The following SHISA6 variants were observed in gnomAD, a reference collection of about 807,000 sequenced individuals.
The protein encoded by SHISA6 is protein shisa-6.
Under a neutral mutation model 47.9 loss-of-function variants are expected in SHISA6, and 22 were observed. That is an observed-to-expected ratio of 0.46 (90% confidence interval 0.33 to 0.66). The LOEUF (loss-of-function observed/expected upper bound fraction) is 0.66, where lower values mean the gene tolerates loss of function less well. Among genes scored for constraint, SHISA6 ranks in the 30% least tolerant of loss-of-function variants. The probability of loss-of-function intolerance (pLI) is 0.02; values close to 1 mark genes in which losing one functional copy is unlikely to be tolerated. For missense variants in SHISA6, 680 were observed against 764.6 expected, an observed-to-expected ratio of 0.89 and a Z score of 1.30; for synonymous variants, 388 against 337.8, an observed-to-expected ratio of 1.15 and a Z score of -1.63.
intron 2 of SHISA6, among the ~76,000 whole-genome samples, chr17:11,269,926 T>C (rs1004589388): frequency 5.3e-5 from 8 of 152,238 alleles, no homozygotes; most frequent in African/African-American, 1.9e-4. Context: ...CACATGCGAC[T>C]GTTGAGCACT....
intron 2 of SHISA6, among the ~76,000 whole-genome samples, chr17:11,327,626 G>A (rs1239613652): frequency 2.0e-5 from 3 of 152,122 alleles, no homozygotes; most frequent in South Asian, 2.1e-4. Context: ...GCAAAACCCC[G>A]TCTCCACTAA....
chr17:11,463,490 C>A (rs1915740488), intron 3 of SHISA6, among the ~76,000 whole-genome samples: 1 of 152,322 alleles, frequency 6.6e-6, no homozygotes, highest in African/African-American at 2.4e-5. Flanking sequence ...ATTACAGCCT[C>A]TTCTCCAATC....
chr17:11,295,057 T>C (rs1909699669), intron 2 of SHISA6, among the ~76,000 whole-genome samples: 1 of 152,194 alleles, frequency 6.6e-6, no homozygotes, highest in Non-Finnish European at 1.5e-5. Flanking sequence ...CGGTACAGTG[T>C]GAAAATACTG....
intron 3 of SHISA6, among the ~76,000 whole-genome samples, chr17:11,506,430 C>T (rs2071499403): frequency 6.6e-6 from 1 of 152,160 alleles, no homozygotes; most frequent in South Asian, 2.1e-4. Context: ...CAGACAAATC[C>T]TTTGTCATGG....
chr17:11,546,076 A>T (rs1016425598), intron 3 of SHISA6, among the ~76,000 whole-genome samples: 52 of 152,212 alleles, frequency 3.4e-4, no homozygotes, highest in Non-Finnish European at 6.9e-4. Context: ...GGGACTAGAA[A>T]TATAACTGTA....
chr17:11,423,554 T>TA (rs1229814892), intron 3 of SHISA6, among the ~76,000 whole-genome samples: 1 of 151,156 alleles, frequency 6.6e-6, no homozygotes, highest in Non-Finnish European at 1.5e-5. Flanking sequence ...AAAGAAATAA[T>TA]AAAAAAATTG....
intron 1 of SHISA6, among the ~76,000 whole-genome samples, chr17:11,247,967 C>T (rs1047168884): frequency 6.6e-6 from 1 of 151,942 alleles, no homozygotes; most frequent in African/African-American, 2.4e-5. Flanking sequence ...GTAGAGACAG[C>T]GTTTCACCAT....
intron 1 of SHISA6, among the ~76,000 whole-genome samples, 186 bp downstream of exon 1, chr17:11,242,246 C>T (rs1907397444): frequency 6.6e-6 from 1 of 152,196 alleles, no homozygotes; most frequent in Non-Finnish European, 1.5e-5. Context: ...TTCTTCAGAA[C>T]CGGGAATGCA....
At chr17:11,500,873 G>A (rs2071446621) in intron 3 of SHISA6, among the ~76,000 whole-genome samples, 2 of 152,138 alleles carry the variant, frequency 1.3e-5, no homozygotes, top group Admixed American at 6.5e-5. Flanking sequence ...AAGGCAGAAA[G>A]GTTGTTTTTT....
At chr17:11,284,077 C>T (rs1324155829) in intron 2 of SHISA6, among the ~76,000 whole-genome samples, 1 of 152,132 alleles carries the variant, frequency 6.6e-6, no homozygotes, top group Non-Finnish European at 1.5e-5. Context: ...CACAGACATA[C>T]ACACATTTAC....
At chr17:11,257,903 C>T (rs565696415) in intron 1 of SHISA6, among the ~76,000 whole-genome samples, 20 of 152,264 alleles carry the variant, frequency 1.3e-4, no homozygotes, top group African/African-American at 4.8e-4. Context: ...TGAACAGTTC[C>T]ATTTCCTAGA....
chr17:11,343,683 A>G (rs1911608459), intron 2 of SHISA6, among the ~76,000 whole-genome samples: 1 of 152,230 alleles, frequency 6.6e-6, no homozygotes, highest in Admixed American at 6.5e-5. Flanking sequence ...TCCACAGCAG[A>G]GCAAAAAGCT....
chr17:11,519,435 A>G (rs1405732209), intron 3 of SHISA6, among the ~76,000 whole-genome samples: 1 of 152,202 alleles, frequency 6.6e-6, no homozygotes, highest in African/African-American at 2.4e-5. Context: ...TATCTAGAGT[A>G]AGCAACTTCG....
Position 11,557,898 on chromosome 17 carries a change from T to C in SHISA6, c.1250T>C (p.Met417Thr). 1 of 1,551,590 alleles carries C rather than the reference T, an allele frequency of 6.4e-7. No individual in the cohort carries two copies. The highest frequency in any genetic ancestry group is 1.2e-5 in the South Asian group (1 of 84,062). Residue 417 changes from methionine to threonine, a missense_variant, in exon 6 of 6, where the codon ATG (methionine) becomes ACG (threonine). Met to Thr is a moderately conservative substitution (Grantham distance 81). Around this residue, in one of 2 missense-constraint regions of SHISA6, gnomAD observed 559 missense variants for 674.1 expected, o/e 0.83. Coordinates refer to ENST00000441885, the MANE Select transcript of SHISA6 (RefSeq NM_207386.4). ...CGACCCCGCCGGCCCATCCGGGCCATGTCCCAGGACAGGGTCCTGTCCCCG... is the reference window on the plus strand; with the variant it reads ...CGACCCCGCCGGCCCATCCGGGCCACGTCCCAGGACAGGGTCCTGTCCCCG... ...RERPRRPIRAMSQDRVLSPDR... is the reference protein window; with the variant it reads ...RERPRRPIRATSQDRVLSPDR...
chr17:11,482,548 C>T (rs1282614294), intron 3 of SHISA6, among the ~76,000 whole-genome samples: 2 of 152,170 alleles, frequency 1.3e-5, no homozygotes, highest in Non-Finnish European at 2.9e-5. Flanking sequence ...GTTTATCTGA[C>T]GACCCCACGA....
chr17:11,249,894 A>C (rs1168589105), intron 1 of SHISA6, among the ~76,000 whole-genome samples: 3 of 152,202 alleles, frequency 2.0e-5, no homozygotes, highest in Non-Finnish European at 4.4e-5. Context: ...CAGAAGAGGC[A>C]TTTCAGAAAG....
At chr17:11,530,036 T>C (rs1295807552) in intron 3 of SHISA6, among the ~76,000 whole-genome samples, 1 of 152,110 alleles carries the variant, frequency 6.6e-6, no homozygotes, top group Non-Finnish European at 1.5e-5. Flanking sequence ...CACCTAGTGC[T>C]GCTCAGGGTG....
At chr17:11,450,102 G>T (rs1443597804) in intron 3 of SHISA6, among the ~76,000 whole-genome samples, 1 of 152,034 alleles carries the variant, frequency 6.6e-6, no homozygotes, top group Non-Finnish European at 1.5e-5. Flanking sequence ...AGCCAGGATG[G>T]TCTCGATCTC....
chr17:11,556,126 TA>T (rs2071977046), intron 5 of SHISA6, among the ~76,000 whole-genome samples: 1 of 152,210 alleles, frequency 6.6e-6, no homozygotes, highest in Non-Finnish European at 1.5e-5. Flanking sequence ...TTCACATCCC[TA>T]TAGGAGACGG....
Sources: allele counts gnomAD v4.1 joint callset (sites outside exome capture counted in the v4.1 genomes callset), GRCh38; gene constraint gnomAD v4.1.1; regional missense constraint gnomAD v4.1.1; transcripts MANE v1.5; gene names NCBI Gene and HGNC (gene_info 2026-07-23, HGNC 2026-07-21).